Variants in MAP4K3 observed in about 807,000 individuals in gnomAD.
The protein encoded by MAP4K3 is mitogen-activated protein kinase kinase kinase kinase 3.
MAP4K3 carries 94 observed loss-of-function variants against 143.5 expected under a neutral mutation model. The ratio of observed to expected loss-of-function variants is 0.65; its 90% CI spans 0.55 to 0.78. MAP4K3 has a LOEUF of 0.78. Ranked by LOEUF, MAP4K3 falls within the 30% of genes least tolerant of loss-of-function variation. The pLI, the probability that MAP4K3 is intolerant of heterozygous loss-of-function variation, is 0.00. For synonymous variants in MAP4K3, 416 were observed against 347.2 expected (o/e 1.20, Z -2.20); for missense variants, 1,077 against 1,068.1 (o/e 1.01, Z -0.12).
intron 16 of MAP4K3, among the ~76,000 whole-genome samples, chr2:39,298,190 T>A (rs1682359629): frequency 6.6e-6 from 1 of 152,152 alleles, no homozygotes; most frequent in Non-Finnish European, 1.5e-5. Flanking sequence ...ATTTTTTTTA[T>A]TTGCGAATCC....
At chr2:39,255,172 C>T (rs2148432548) in intron 31 of MAP4K3, among the ~76,000 whole-genome samples, 1 of 152,100 alleles carries the variant, frequency 6.6e-6, no homozygotes, top group East Asian at 1.9e-4. Context: ...TATTTCCAAC[C>T]TTCATACATT....
intron 1 of MAP4K3, among the ~76,000 whole-genome samples, chr2:39,395,891 G>T (rs956501798): frequency 6.6e-6 from 1 of 151,352 alleles, no homozygotes. Context: ...TTTGAAGCCT[G>T]AAAGCTTCAG....
At chr2:39,381,145 ATG>A (rs1230358358) in intron 1 of MAP4K3, among the ~76,000 whole-genome samples, 5 of 152,170 alleles carry the variant, frequency 3.3e-5, no homozygotes, top group Non-Finnish European at 7.4e-5. Flanking sequence ...AAACTCATTT[ATG>A]TGTTACTGCC....
chr2:39,309,788 G>A, intron 13 of MAP4K3, among the ~76,000 whole-genome samples: 1 of 151,854 alleles, frequency 6.6e-6, no homozygotes, highest in East Asian at 1.9e-4. Context: ...TCGATCCCCT[G>A]ACCTCGTGAT....
intron 1 of MAP4K3, among the ~76,000 whole-genome samples, chr2:39,391,855 T>C (rs1406775122): frequency 6.6e-6 from 1 of 151,982 alleles, no homozygotes; most frequent in Non-Finnish European, 1.5e-5. Flanking sequence ...GTAATCTCGC[T>C]GGTACAAAAA....
chr2:39,401,525 C>A (rs767742991), intron 1 of MAP4K3, among the ~76,000 whole-genome samples: 2 of 152,138 alleles, frequency 1.3e-5, no homozygotes, highest in South Asian at 2.1e-4. Context: ...CAAGGCCAGG[C>A]GCTGTGGTTC....
intron 1 of MAP4K3, among the ~76,000 whole-genome samples, chr2:39,400,503 G>A (rs1666923251): frequency 6.6e-6 from 1 of 151,938 alleles, no homozygotes; most frequent in South Asian, 2.1e-4. Context: ...TTGAGCTTAG[G>A]TTTTATTGTT....
At chr2:39,278,509 A>T in intron 23 of MAP4K3, 23 bp from the exon 24 acceptor site, 1 of 1,334,360 alleles carries the variant, frequency 7.5e-7, no homozygotes, top group Non-Finnish European at 1.1e-6. Flanking sequence ...TAATTCACTG[A>T]CTGATTTTGG....
intron 1 of MAP4K3, among the ~76,000 whole-genome samples, chr2:39,436,231 C>A (rs889800260): frequency 6.6e-6 from 1 of 152,090 alleles, no homozygotes; most frequent in African/African-American, 2.4e-5. Context: ...CCAGTACCTT[C>A]CCTAAGTATT....
rs1400308492 is a variant in MAP4K3 at position 39,269,125 on chromosome 2, T to A, written c.1974-1878A>T. 2.9e-5 allele frequency among the ~76,000 whole-genome samples: 4 copies of A among 139,230 alleles called. No individual in the cohort carries two copies. In the East Asian group the frequency reaches 6.4e-4, roughly 22 times the overall value. 91.3% of individuals were successfully genotyped at this position (139,230 alleles called of 152,430 possible). A position where few individuals can be genotyped will look rare whatever the true frequency, so the allele number is the denominator to read the frequency against. On this transcript the variant is annotated intron_variant, in intron 26 of 33. Transcript: ENST00000263881. Reference sequence around the variant, plus strand: ...CTCTGTACAAGTCTTTTTTTTTTTTTAGAGTTGTACAATTTTATATAAAAT... The same window carrying A: ...CTCTGTACAAGTCTTTTTTTTTTTTAAGAGTTGTACAATTTTATATAAAAT...
chr2:39,281,759 G>T (rs111256893), intron 22 of MAP4K3, among the ~76,000 whole-genome samples: 3 of 150,742 alleles, frequency 2.0e-5, no homozygotes, highest in African/African-American at 7.3e-5. Context: ...ATAATATAAA[G>T]TATACTGTAT....
rs553071593 is a variant in MAP4K3, at chr2:39,327,825, G to A, written c.531-1548C>T. Among the ~76,000 whole-genome samples, 169 of 151,662 alleles carry A rather than the reference G, an allele frequency of 1.1e-3. 3 individuals are homozygous for A. The highest frequency in any genetic ancestry group is 4.0e-3 in the African/African-American group (164 of 41,022). ...AGTGGGAAATGCATGCAAGTGATAC[G>A]CTCCTAACTTGCCTCCCCTTACTAG... On this transcript the variant is annotated intron_variant, in intron 8 of 33. Transcript: ENST00000263881.
chr2:39,402,059 C>T (rs1285237202), intron 1 of MAP4K3, among the ~76,000 whole-genome samples: 2 of 152,056 alleles, frequency 1.3e-5, no homozygotes, highest in South Asian at 2.1e-4. Context: ...AACTACATTA[C>T]ATATGTGCAA....
intron 2 of MAP4K3, among the ~76,000 whole-genome samples, chr2:39,373,296 G>C (rs1380742909): frequency 6.6e-6 from 1 of 152,138 alleles, no homozygotes; most frequent in African/African-American, 2.4e-5. Flanking sequence ...ATAAATGCTG[G>C]TGAGAATGTG....
chr2:39,281,626 C>G (rs1487652901), intron 22 of MAP4K3, among the ~76,000 whole-genome samples: 2 of 152,094 alleles, frequency 1.3e-5, no homozygotes, highest in African/African-American at 4.8e-5. Context: ...TGGAGTCTAC[C>G]TGGCATTCCA....
In MAP4K3 at chr2:39,258,518, C is replaced by T; in HGVS notation, c.2377+1G>A. 1.2e-6 allele frequency: 2 copies of T among 1,612,228 alleles called. No individual in the cohort carries two copies. The highest frequency in any genetic ancestry group is 1.7e-6 in the Non-Finnish European group (2 of 1,178,442). On this transcript the variant is annotated splice_donor_variant, in intron 30 of 33. Coordinates refer to ENST00000263881, the MANE Select transcript of MAP4K3 (RefSeq NM_003618.4). LOFTEE classifies it high-confidence loss of function. ...TAAGACATTCATAAATAAAAACTTA[C>T]AGTCCAAGCATACAAGGATGGTATC...
chr2:39,303,607 C>T (rs770394513), intron 15 of MAP4K3, among the ~76,000 whole-genome samples: 11 of 152,126 alleles, frequency 7.2e-5, no homozygotes, highest in Admixed American at 2.0e-4. Context: ...GGCACGATCT[C>T]GGCTCCCTGC....
At chr2:39,279,300 A>C (rs982485312) in intron 23 of MAP4K3, among the ~76,000 whole-genome samples, 1 of 152,236 alleles carries the variant, frequency 6.6e-6, no homozygotes, top group African/African-American at 2.4e-5. Flanking sequence ...GATTAATGGC[A>C]TAAGATTTGT....
In MAP4K3 at chr2:39,376,100, T is replaced by C. The variant is rs534333616; in HGVS notation, c.154+1966A>G. ...GAATTGCTGGGTCATTATGGCAAAT[T>C]TATGTTTAACACTTTAAGGAAGTGA... On this transcript the variant is annotated intron_variant, in intron 2 of 33. Transcript: ENST00000263881. 1.1e-4 allele frequency among the ~76,000 whole-genome samples: 16 copies of C among 152,350 alleles called. No homozygotes were observed. In the South Asian group the frequency reaches 2.5e-3, roughly 24 times the overall value.
Sources: gnomAD v4.1 joint callset for allele counts (sites outside exome capture counted in the v4.1 genomes callset) on GRCh38, gnomAD v4.1.1 for gene constraint, MANE v1.5 for transcripts, NCBI Gene and HGNC (gene_info 2026-07-23, HGNC 2026-07-21) for gene names.